SNX24: variants seen among roughly 807,000 people sequenced by gnomAD.
SNX24 encodes sorting nexin 24.
Under a neutral mutation model 28.7 loss-of-function variants are expected in SNX24, and 22 were observed. The ratio of observed to expected loss-of-function variants is 0.77; its 90% confidence interval spans 0.55 to 1.10. SNX24 has a LOEUF of 1.10. Ranked by LOEUF, SNX24 falls within the 50% of genes least tolerant of loss-of-function variation. The pLI, the probability that SNX24 is intolerant of heterozygous loss-of-function variation, is 0.00. For synonymous variants in SNX24, 69 were observed against 71.5 expected (o/e 0.96, Z 0.18); for missense variants, 221 against 201.1 (o/e 1.10, Z -0.60).
chr5:122,856,926 G>A (rs1755220988), intron 1 of SNX24, among the ~76,000 whole-genome samples: 1 of 152,100 alleles, frequency 6.6e-6, no homozygotes, highest in Non-Finnish European at 1.5e-5. Context: ...GGTCTCCTCA[G>A]TATCTTTCCT....
At chr5:122,990,496 T>TA (rs1761795915) in intron 3 of SNX24, among the ~76,000 whole-genome samples, 1 of 152,188 alleles carries the variant, frequency 6.6e-6, no homozygotes, top group Non-Finnish European at 1.5e-5. Flanking sequence ...GTACAGTATG[T>TA]AAAGAAAGAG....
chr5:122,941,064 A>G (rs561896349), intron 2 of SNX24, among the ~76,000 whole-genome samples: 153 of 152,286 alleles, frequency 1.0e-3, no homozygotes, highest in Non-Finnish European at 1.4e-3. Flanking sequence ...CCTTGTGTAA[A>G]CAGCCTTTCT....
At chr5:123,004,039 G>T (rs577116856) in intron 6 of SNX24, among the ~76,000 whole-genome samples, 1 of 152,200 alleles carries the variant, frequency 6.6e-6, no homozygotes, top group Non-Finnish European at 1.5e-5. Context: ...TCACATTTTT[G>T]TTATGATGCC....
intron 1 of SNX24, among the ~76,000 whole-genome samples, chr5:122,926,529 A>G (rs1319345979): frequency 6.6e-6 from 1 of 152,196 alleles, no homozygotes; most frequent in Non-Finnish European, 1.5e-5. Flanking sequence ...GACAGAATCA[A>G]TTTCCAGAAA....
intron 5 of SNX24, among the ~76,000 whole-genome samples, chr5:123,026,723 A>C (rs1403121364): frequency 6.6e-6 from 1 of 152,178 alleles, no homozygotes; most frequent in Non-Finnish European, 1.5e-5. Flanking sequence ...GAACCAAAGC[A>C]AGGCAGGAAG....
At chr5:123,017,127 G>A (rs1481552505) in intron 5 of SNX24, among the ~76,000 whole-genome samples, 2 of 151,718 alleles carry the variant, frequency 1.3e-5, no homozygotes, top group African/African-American at 4.9e-5. Context: ...TACTGCTACC[G>A]AATTCACAAG....
At chr5:122,908,655 G>A (rs560783413) in intron 1 of SNX24, among the ~76,000 whole-genome samples, 21 of 152,234 alleles carry the variant, frequency 1.4e-4, no homozygotes, top group African/African-American at 4.8e-4. Flanking sequence ...TTCCAACACC[G>A]ACTGCCAGAA....
intron 2 of SNX24, among the ~76,000 whole-genome samples, chr5:122,944,357 T>A (rs1271367219): frequency 6.6e-6 from 1 of 152,120 alleles, no homozygotes; most frequent in Non-Finnish European, 1.5e-5. Flanking sequence ...TGTCACCTGG[T>A]CACCCTAATT....
chr5:122,898,411 A>G (rs191634686), intron 1 of SNX24, among the ~76,000 whole-genome samples: 2 of 152,368 alleles, frequency 1.3e-5, no homozygotes, highest in East Asian at 1.9e-4. Flanking sequence ...AAAATTAAGA[A>G]TGCTTAAAGT....
intron 1 of SNX24, chr5:122,891,235 G>A (rs1480819975): frequency 4.5e-6 from 5 of 1,101,586 alleles, no homozygotes; most frequent in Non-Finnish European, 6.0e-6. Flanking sequence ...ACTTTAAAGT[G>A]CCTATTTATT....
At chr5:122,904,640 T>C (rs1757572513) in intron 1 of SNX24, among the ~76,000 whole-genome samples, 1 of 152,238 alleles carries the variant, frequency 6.6e-6, no homozygotes, top group Non-Finnish European at 1.5e-5. Context: ...GCTTTTTCTG[T>C]ATTTTATAGA....
chr5:122,903,133 G>A (rs974119235), intron 1 of SNX24, among the ~76,000 whole-genome samples: 8 of 151,638 alleles, frequency 5.3e-5, no homozygotes, highest in East Asian at 3.9e-4. Flanking sequence ...TTGATACAGC[G>A]TCTTAGTCTG....
intron 1 of SNX24, among the ~76,000 whole-genome samples, chr5:122,855,088 T>C (rs1446029025): frequency 6.6e-6 from 1 of 152,120 alleles, no homozygotes; most frequent in African/African-American, 2.4e-5. Flanking sequence ...TTTTTTTTTT[T>C]TGAGGCAGAG....
At chr5:122,870,925 G>T (rs1755947125) in intron 1 of SNX24, among the ~76,000 whole-genome samples, 1 of 152,180 alleles carries the variant, frequency 6.6e-6, no homozygotes. Flanking sequence ...TAAAACCATG[G>T]TGCTCATCCC....
intron 3 of SNX24, among the ~76,000 whole-genome samples, chr5:122,967,864 G>T (rs1417724319): frequency 6.6e-6 from 1 of 152,226 alleles, no homozygotes; most frequent in Non-Finnish European, 1.5e-5. Flanking sequence ...AATGGCAGTA[G>T]CACCTGCGCT....
chr5:122,913,557 T>C (rs1225097770), intron 1 of SNX24, among the ~76,000 whole-genome samples: 3 of 149,072 alleles, frequency 2.0e-5, no homozygotes, highest in East Asian at 4.0e-4. Flanking sequence ...GGGCGGCTGC[T>C]GGGCGGAGGG....
intron 2 of SNX24, among the ~76,000 whole-genome samples, chr5:122,940,907 T>C (rs1466822258): frequency 6.6e-6 from 1 of 152,222 alleles, no homozygotes; most frequent in East Asian, 1.9e-4. Flanking sequence ...CTGAGTCTTT[T>C]CTGGGTTCTA....
At chr5:122,972,934 A>C (rs560192513) in intron 3 of SNX24, among the ~76,000 whole-genome samples, 15 of 152,178 alleles carry the variant, frequency 9.9e-5, no homozygotes, top group Non-Finnish European at 1.9e-4. Context: ...GTGTAAGTCC[A>C]TGTTGCTGAG....
chr5:123,008,430 A>G lies in SNX24; in HGVS notation c.*681A>G, dbSNP rs1452557184. On this transcript the variant is annotated 3_prime_UTR_variant, in exon 7 of 7. Coordinates refer to ENST00000261369, the MANE Select transcript of SNX24 (RefSeq NM_014035.4). ...GGATGATCCTTGAAAGCCCTTTAGA[A>G]GGGTGCCATGTTGGAAACCTGTACA... 4 of 328,874 alleles carry G rather than the reference A, an allele frequency of 1.2e-5. No homozygotes were observed. The highest frequency in any genetic ancestry group is 1.7e-5 in the Non-Finnish European group (4 of 229,918). The allele number at this position is 328,874 out of a possible 1,614,324, so 20.4% of individuals were successfully genotyped here.
Sources: gnomAD v4.1 joint callset for allele counts (sites outside exome capture counted in the v4.1 genomes callset) on GRCh38, gnomAD v4.1.1 for gene constraint, MANE v1.5 for transcripts, NCBI Gene and HGNC (gene_info 2026-07-23, HGNC 2026-07-21) for gene names.